The following NSUN4 variants were observed in gnomAD, a reference collection of about 807,000 sequenced individuals.
The protein encoded by NSUN4 is 5-cytosine rRNA methyltransferase NSUN4.
A neutral mutation model predicts 43.8 loss-of-function variants in NSUN4; 31 were observed. The observed-to-expected ratio is 0.71, with a 90% confidence interval of 0.53 to 0.96. NSUN4 has a LOEUF of 0.96. Among genes scored for constraint, NSUN4 ranks in the 40% least tolerant of loss-of-function variants. NSUN4 has a pLI of 0.00. For synonymous variants in NSUN4, 167 were observed against 184.1 expected (o/e 0.91, Z 0.75); for missense variants, 439 against 475.6 (o/e 0.92, Z 0.72).
At chr1:46,384,477 G>T in the NSUN4 span, among the ~76,000 whole-genome samples, 1 of 152,236 alleles carries the variant, frequency 6.6e-6, no homozygotes, top group South Asian at 2.1e-4. Context: ...CACCCATTAC[G>T]GCTGTGAGGG....
In NSUN4 at chr1:46,340,853, C is replaced by T. The variant is rs751010339; in HGVS notation, c.27C>T (p.Val9=). MAALTLRG[V]RELLKRVDLA... ...TGGCTGCGCTGACACTGAGGGGTGT[C>T]CGGGAGCTGCTGAAGCGTGTGGACC... Residue 9 remains valine (V), a synonymous_variant, in exon 1 of 6, where the codon GTC becomes GTT. Transcript: ENST00000474844. 15 of 1,612,774 alleles carry T rather than the reference C, an allele frequency of 9.3e-6. No individual in the cohort carries two copies. The highest frequency in any genetic ancestry group is 1.3e-5 in the Non-Finnish European group (15 of 1,179,536).
the NSUN4 span, among the ~76,000 whole-genome samples, chr1:46,380,206 G>A: frequency 5.3e-5 from 8 of 152,128 alleles, no homozygotes; most frequent in African/African-American, 1.9e-4. Flanking sequence ...AGGGTGCCAG[G>A]GAAGGTATTA....
chr1:46,360,183 T>TGC (rs1050876411), intron 4 of NSUN4, among the ~76,000 whole-genome samples: 1 of 130,368 alleles, frequency 7.7e-6, no homozygotes, highest in African/African-American at 3.0e-5. Flanking sequence ...GAGCCGAGAT[T>TGC]GCGCCACTGC....
At position 46,346,444 on chromosome 1, in the gene NSUN4, T is replaced by A. The variant is rs192089839; in HGVS notation, c.438-477T>A. ...GCACAAGCCTGTAATCCCAGCTACT[T>A]GGGAGGCTGAGGCAGGAGAATCACT... On this transcript the variant is annotated intron_variant, in intron 2 of 5. Coordinates refer to ENST00000474844, the MANE Select transcript of NSUN4 (RefSeq NM_199044.4). 5.4e-5 allele frequency among the ~76,000 whole-genome samples: 8 copies of A among 147,114 alleles called. No individual in the cohort carries two copies. In the East Asian group the frequency reaches 1.6e-3, roughly 30 times the overall value.
intron 4 of NSUN4, among the ~76,000 whole-genome samples, chr1:46,354,176 G>A (rs6690075): frequency 0.22 from 33,974 of 151,340 alleles, 4,248 homozygotes; most frequent in Non-Finnish European, 0.29. Flanking sequence ...GTGTGAACAC[G>A]GCTCACTGCA....
At chr1:46,344,746 G>T (rs1662354932) in intron 1 of NSUN4, 55 bp from the exon 2 acceptor site, 3 of 1,496,602 alleles carry the variant, frequency 2.0e-6, no homozygotes, top group Admixed American at 1.8e-5. Context: ...GGGTCAGGTA[G>T]TAGGGGGTAG....
Position 46,361,589 on chromosome 1 carries a change from A to G in NSUN4, c.898A>G (p.Lys300Glu). Residue 300 changes from lysine to glutamate, a missense_variant, in exon 6 of 6, where the codon AAA (lysine) becomes GAA (glutamate). Lys to Glu is a moderately conservative substitution (Grantham distance 56). Coordinates refer to ENST00000474844, the MANE Select transcript of NSUN4 (RefSeq NM_199044.4). ...TTTCAGGGCTGGACTCCTTGCCACC[A>G]AACCAGGAGGCCATGTTGTCTATTC... ...QLLAAGLLAT[K>E]PGGHVVYSTC... 1 of 1,613,998 alleles carries G rather than the reference A, an allele frequency of 6.2e-7. No homozygotes were observed. The highest frequency in any genetic ancestry group is 1.1e-5 in the South Asian group (1 of 91,072).
chr1:46,382,058 C>T, the NSUN4 span, among the ~76,000 whole-genome samples: 1 of 152,194 alleles, frequency 6.6e-6, no homozygotes, highest in Non-Finnish European at 1.5e-5. Context: ...ATAGGTGGGC[C>T]TTTCACTCCA....
At position 46,352,909 on chromosome 1, in the gene NSUN4, A is replaced by G. The variant is rs750845708; in HGVS notation, c.634A>G (p.Arg212Gly). 8.7e-6 allele frequency: 14 copies of G among 1,614,196 alleles called. No homozygotes were observed. Among genetic ancestry groups the G allele is most frequent in the Non-Finnish European group, 1.2e-5 (14 of 1,180,016 alleles). Residue 212 changes from arginine (R) to glycine (G), a missense_variant, in exon 4 of 6, where the codon AGA becomes GGA. Physicochemically the swap from Arg to Gly is moderately radical, Grantham distance 125 (BLOSUM62 -2). Coordinates refer to ENST00000474844, the MANE Select transcript of NSUN4 (RefSeq NM_199044.4). The part of the protein sequence containing the change: ...ANDLSPSRIA[R>G]LQKILHSYVP... ...TGATCTCTCCCCGTCCCGAATAGCC[A>G]GACTACAGAAGATCCTTCACAGCTA...
intron 4 of NSUN4, among the ~76,000 whole-genome samples, chr1:46,360,501 A>C (rs1408028677): frequency 6.6e-6 from 1 of 151,782 alleles, no homozygotes; most frequent in Non-Finnish European, 1.5e-5. Context: ...AGCCATGAAT[A>C]TTCCCAAATA....
chr1:46,384,006 T>C, the NSUN4 span, among the ~76,000 whole-genome samples: 9 of 152,066 alleles, frequency 5.9e-5, no homozygotes, highest in South Asian at 4.2e-4. Context: ...CTAATTCCGA[T>C]TGGCTAATTT....
rs773980804 is a variant in NSUN4, at chr1:46,360,249, AATAT to A, written c.754-430_754-427del. On this transcript the variant is annotated intron_variant, in intron 4 of 5. Transcript: ENST00000474844. ...ATCTCAAAAAAAAAAAAAAAAAAAA[AATAT>A]ATATATATATATATATATATATATG... Among the ~76,000 whole-genome samples, 161 of 25,736 alleles carry A rather than the reference AATAT, an allele frequency of 6.3e-3. 4 individuals carry two copies. The highest frequency in any genetic ancestry group is 0.027 in the East Asian group (16 of 588). 16.9% of individuals were successfully genotyped at this position (25,736 alleles called of 152,430 possible).
At chr1:46,341,681 G>A in intron 1 of NSUN4, 3 of 1,229,978 alleles carry the variant, frequency 2.4e-6, no homozygotes, top group Non-Finnish European at 3.0e-6. Context: ...CAGGGAGATG[G>A]TCTTTTGAGT....
At chr1:46,346,623 C>G (rs1324298587) in intron 2 of NSUN4, among the ~76,000 whole-genome samples, 1 of 150,998 alleles carries the variant, frequency 6.6e-6, no homozygotes, top group African/African-American at 2.4e-5. Context: ...ATTCAGGAGG[C>G]TGAGACGGGA....
chr1:46,347,678 C>A (rs558742097), intron 3 of NSUN4, among the ~76,000 whole-genome samples: 1 of 152,144 alleles, frequency 6.6e-6, no homozygotes, highest in Non-Finnish European at 1.5e-5. Flanking sequence ...AAGCCCATTT[C>A]TTTAGCCTAC....
intron 2 of NSUN4, among the ~76,000 whole-genome samples, chr1:46,346,321 G>A (rs955740680): frequency 2.6e-5 from 4 of 151,660 alleles, no homozygotes; most frequent in African/African-American, 7.3e-5. Flanking sequence ...AGGCCGAGGC[G>A]GGCAGATCAT....
At chr1:46,367,920 G>A (rs993359321), downstream of NSUN4, among the ~76,000 whole-genome samples, 3 of 150,680 alleles carry the variant, frequency 2.0e-5, no homozygotes, top group Non-Finnish European at 4.4e-5. Context: ...ACATGCCACC[G>A]CGCCTGGCTA....
rs1278724197 is a variant in NSUN4, at chr1:46,352,462, CAAAAG to C, written c.593-405_593-401del. Among the ~76,000 whole-genome samples, 6 of 119,878 alleles carry C rather than the reference CAAAAG, an allele frequency of 5.0e-5. No homozygotes were observed. The South Asian group carries it at 1.0e-3, about 21-fold the overall frequency. 78.6% of individuals were successfully genotyped at this position (119,878 alleles called of 152,430 possible). ...ATGAGACTCTGTCTTAAAAAAAAAA[CAAAAG>C]GAAAGAGAGGGAGAGAAAGAAAAGG... is the stretch of plus-strand genomic sequence containing the variant. On this transcript the variant is annotated intron_variant, in intron 3 of 5. Transcript: ENST00000474844.
At chr1:46,367,559 G>A (rs1664163648), downstream of NSUN4, among the ~76,000 whole-genome samples, 1 of 152,122 alleles carries the variant, frequency 6.6e-6, no homozygotes, top group Non-Finnish European at 1.5e-5. Flanking sequence ...CTTAGCCTGG[G>A]AGAAAGCCAG....
Sources: allele counts gnomAD v4.1 joint callset (sites outside exome capture counted in the v4.1 genomes callset), GRCh38; gene constraint gnomAD v4.1.1; transcripts MANE v1.5; gene names NCBI Gene and HGNC (gene_info 2026-07-23, HGNC 2026-07-21).